Variants in CAMK1D observed in about 807,000 individuals in gnomAD.
CAMK1D encodes calcium/calmodulin dependent protein kinase ID.
A neutral mutation model predicts 47.7 loss-of-function variants in CAMK1D; 9 were observed. The observed-to-expected ratio is 0.19, with a 90% CI of 0.11 to 0.33. CAMK1D has a LOEUF of 0.33. Ranked by LOEUF, CAMK1D falls within the 10% of genes least tolerant of loss-of-function variation. The probability of loss-of-function intolerance (pLI) is 1.00; values close to 1 mark genes in which losing one functional copy is unlikely to be tolerated. For missense variants in CAMK1D, 291 were observed against 488.7 expected (o/e 0.60, Z 3.81); for synonymous variants, 184 against 184.9 (o/e 0.99, Z 0.04).
At chr10:12,725,620 T>G (rs760311933) in intron 3 of CAMK1D, among the ~76,000 whole-genome samples, 2 of 152,218 alleles carry the variant, frequency 1.3e-5, no homozygotes, top group Non-Finnish European at 2.9e-5. Flanking sequence ...CTCAACAGTC[T>G]TCTCTCATTT....
chr10:12,689,775 C>CAA (rs59376242), intron 3 of CAMK1D, among the ~76,000 whole-genome samples: 9 of 136,336 alleles, frequency 6.6e-5, no homozygotes, highest in Non-Finnish European at 9.5e-5. Flanking sequence ...GACTCCACCT[C>CAA]AAAAAAAAAA....
At chr10:12,488,132 C>T (rs1327742915) in intron 1 of CAMK1D, among the ~76,000 whole-genome samples, 1 of 152,152 alleles carries the variant, frequency 6.6e-6, no homozygotes, top group Non-Finnish European at 1.5e-5. Flanking sequence ...TATTGTACTT[C>T]ACAGAGTTGG....
At chr10:12,626,590 C>G (rs1839223067) in intron 2 of CAMK1D, among the ~76,000 whole-genome samples, 1 of 151,490 alleles carries the variant, frequency 6.6e-6, no homozygotes, top group Non-Finnish European at 1.5e-5. Flanking sequence ...TCTTCTGCCT[C>G]AGCCTCCTAA....
intron 1 of CAMK1D, among the ~76,000 whole-genome samples, chr10:12,431,994 C>T (rs970441462): frequency 1.3e-5 from 2 of 152,212 alleles, no homozygotes; most frequent in Non-Finnish European, 2.9e-5. Context: ...CCGACCATGT[C>T]TCCTTGAGCA....
rs145584740 is a variant in CAMK1D at position 12,804,937 on chromosome 10, CAAAAAAAA to C, written c.642-9242_642-9235del. Among the ~76,000 whole-genome samples the C allele has an allele frequency of 4.3e-4, 22 of 51,056 alleles. 1 individual carries two copies. The highest frequency in any genetic ancestry group is 4.0e-3 in the East Asian group (5 of 1,242). The allele number at this position is 51,056 out of a possible 152,430, so 33.5% of individuals were successfully genotyped here. On this transcript the variant is annotated intron_variant, in intron 6 of 10. Transcript: ENST00000619168. Reference sequence around the variant, plus strand: ...TGGATGATAAAGCTAGACCCTGTCTCAAAAAAAAAAAAAAAAAAAAAAAGATACAAAAA... The same window carrying C: ...TGGATGATAAAGCTAGACCCTGTCTCAAAAAAAAAAAAAAAGATACAAAAA...
At chr10:12,491,134 G>A (rs577963729) in intron 1 of CAMK1D, among the ~76,000 whole-genome samples, 2 of 148,568 alleles carry the variant, frequency 1.3e-5, no homozygotes, top group Admixed American at 1.4e-4. Flanking sequence ...CTGCATCACT[G>A]GAGGGTATGA....
intron 3 of CAMK1D, among the ~76,000 whole-genome samples, chr10:12,674,598 G>GTTTTTTTTTTTTTTT (rs1491441824): frequency 1.8e-4 from 3 of 16,738 alleles, no homozygotes; most frequent in African/African-American, 3.4e-4. Context: ...TTGGAAAAAT[G>GTTTTTTTTTTTTTTT]CTTTTTTTTT....
intron 1 of CAMK1D, among the ~76,000 whole-genome samples, chr10:12,545,773 C>G (rs545269252): frequency 1.3e-5 from 2 of 151,986 alleles, no homozygotes; most frequent in Admixed American, 1.3e-4. Flanking sequence ...GCACTCCAGC[C>G]CGGGTGACAG....
chr10:12,497,724 C>T (rs1194572154), intron 1 of CAMK1D, among the ~76,000 whole-genome samples: 1 of 151,992 alleles, frequency 6.6e-6, no homozygotes, highest in Non-Finnish European at 1.5e-5. Flanking sequence ...GCCTTGGAAG[C>T]AGCAAGAAAG....
chr10:12,694,101 A>AATAT (rs1554811573), intron 3 of CAMK1D, among the ~76,000 whole-genome samples: 1 of 45,660 alleles, frequency 2.2e-5, no homozygotes, highest in East Asian at 9.3e-4. Flanking sequence ...TATATTATAT[A>AATAT]ATATATAATA....
intron 1 of CAMK1D, among the ~76,000 whole-genome samples, chr10:12,519,084 C>A (rs1835304662): frequency 9.9e-6 from 1 of 101,428 alleles, no homozygotes; most frequent in Non-Finnish European, 2.1e-5. Context: ...GCGCCCCTCA[C>A]CTCCTGGATA....
At chr10:12,797,111 C>T (rs181131791) in intron 6 of CAMK1D, among the ~76,000 whole-genome samples, 2 of 152,020 alleles carry the variant, frequency 1.3e-5, no homozygotes, top group Non-Finnish European at 2.9e-5. Flanking sequence ...GAAGCCTGTG[C>T]TGGTCTCCAG....
Position 12,732,509 on chromosome 10 carries a change from G to A in CAMK1D, c.300-28439G>A, listed in dbSNP as rs553503729. 3.3e-3 allele frequency among the ~76,000 whole-genome samples: 506 copies of A among 152,136 alleles called. 3 individuals are homozygous for A. The highest frequency in any genetic ancestry group is 6.0e-3 in the Non-Finnish European group (409 of 68,002). ...ACATGGCTGGGGAGGCCTCAGAATC[G>A]TGGCGGGAGGCGAAAGGCACTTCTT... On this transcript the variant is annotated intron_variant, in intron 3 of 10. Coordinates refer to ENST00000619168, the MANE Select transcript of CAMK1D (RefSeq NM_153498.4).
intron 2 of CAMK1D, among the ~76,000 whole-genome samples, chr10:12,586,500 A>C (rs1564428788): frequency 6.6e-6 from 1 of 151,782 alleles, no homozygotes; most frequent in African/African-American, 2.4e-5. Flanking sequence ...AGATGCATAC[A>C]CGAAAAGTTA....
chr10:12,827,366 CTCTT>C lies in CAMK1D; in HGVS notation c.1040-1393_1040-1390del, dbSNP rs1413968428. Among the ~76,000 whole-genome samples the C allele has an allele frequency of 1.1e-4, 5 of 43,536 alleles. 1 individual carries two copies. Among genetic ancestry groups the C allele is most frequent in the Middle Eastern group, 0.011 (1 of 88 alleles). 28.6% of individuals were successfully genotyped at this position (43,536 alleles called of 152,430 possible). A position where few individuals can be genotyped will look rare whatever the true frequency, so the allele number is the denominator to read the frequency against. On this transcript the variant is annotated intron_variant, in intron 10 of 10. Transcript: ENST00000619168. ...TCCTTCCTTCTTCCTTTCTTTCTTT[CTCTT>C]TCTTTCTTTTTCTTTCCCTTCCTTC...
intron 1 of CAMK1D, among the ~76,000 whole-genome samples, chr10:12,351,683 C>G (rs1837359488): frequency 6.6e-6 from 1 of 152,198 alleles, no homozygotes; most frequent in Non-Finnish European, 1.5e-5. Flanking sequence ...GTGGCTCCTG[C>G]TGGAGCATGG....
chr10:12,735,477 C>CAA (rs986956165), intron 3 of CAMK1D, among the ~76,000 whole-genome samples: 1 of 146,460 alleles, frequency 6.8e-6, no homozygotes, highest in African/African-American at 2.5e-5. Context: ...GACTCCGTCT[C>CAA]AAAAAAAAAA....
chr10:12,383,619 T>C lies in CAMK1D; in HGVS notation c.92+33709T>C, dbSNP rs141133794. ...AAGCATAAAGAATATTGAAAATCTG[T>C]AAGATAACTAAATATTAAGGAAGTT... On this transcript the variant is annotated intron_variant, in intron 1 of 10. Transcript: ENST00000619168. 2.2e-3 allele frequency among the ~76,000 whole-genome samples: 331 copies of C among 152,348 alleles called. 1 individual carries two copies. Among genetic ancestry groups the C allele is most frequent in the African/African-American group, 7.0e-3 (291 of 41,578 alleles).
intron 1 of CAMK1D, among the ~76,000 whole-genome samples, chr10:12,547,158 CAGA>C (rs1202300825): frequency 1.3e-5 from 2 of 152,070 alleles, no homozygotes; most frequent in African/African-American, 4.8e-5. Context: ...GACATAAAGG[CAGA>C]AGGAGAGAAC....
Sources: gnomAD v4.1 joint callset for allele counts (sites outside exome capture counted in the v4.1 genomes callset) on GRCh38, gnomAD v4.1.1 for gene constraint, MANE v1.5 for transcripts, NCBI Gene and HGNC (gene_info 2026-07-23, HGNC 2026-07-21) for gene names.